The following AKAP13 variants were observed in gnomAD, a reference collection of about 807,000 sequenced individuals.
AKAP13 encodes the protein A-kinase anchoring protein 13, also known as A-kinase anchor protein 13.
In AKAP13, 80 loss-of-function variants were observed where a neutral mutation model predicts 264.5. The observed-to-expected ratio is 0.30, with a 90% confidence interval of 0.25 to 0.36. The LOEUF (loss-of-function observed/expected upper bound fraction) is 0.36. Among genes scored for constraint, AKAP13 ranks in the 10% least tolerant of loss-of-function variants. AKAP13 has a pLI of 1.00. For synonymous variants in AKAP13, 1,380 were observed against 1,250.2 expected, an observed-to-expected ratio of 1.10 and a Z score of -2.19; for missense variants, 3,712 against 3,435.2, an observed-to-expected ratio of 1.08 and a Z score of -2.01.
chr15:85,537,648 C>T (rs562572443), intron 4 of AKAP13, among the ~76,000 whole-genome samples: 17 of 152,294 alleles, frequency 1.1e-4, no homozygotes, highest in African/African-American at 4.1e-4. Flanking sequence ...TTTAACTTTG[C>T]TCTTACAAAG....
intron 17 of AKAP13, among the ~76,000 whole-genome samples, chr15:85,697,763 A>G (rs532111381): frequency 6.2e-4 from 94 of 152,346 alleles, no homozygotes; most frequent in African/African-American, 2.2e-3. Context: ...TTATAAAGGA[A>G]TAAGATGGCT....
intron 1 of AKAP13, among the ~76,000 whole-genome samples, chr15:85,437,002 A>T (rs963426190): frequency 2.7e-5 from 4 of 149,450 alleles, no homozygotes; most frequent in African/African-American, 9.9e-5. Flanking sequence ...AGACACAAAA[A>T]ACCCTTCAAA....
chr15:85,388,897 T>G (rs191632807), intron 1 of AKAP13, among the ~76,000 whole-genome samples: 26 of 152,352 alleles, frequency 1.7e-4, no homozygotes, highest in African/African-American at 5.8e-4. Context: ...CAAGAACCAT[T>G]GCTTTAAAGA....
chr15:85,492,341 C>T (rs2075753834), intron 2 of AKAP13, among the ~76,000 whole-genome samples: 1 of 152,160 alleles, frequency 6.6e-6, no homozygotes, highest in Non-Finnish European at 1.5e-5. Context: ...ATGAACATAC[C>T]ACTGCACTAT....
chr15:85,516,349 A>G (rs2151137139), intron 2 of AKAP13, among the ~76,000 whole-genome samples: 1 of 152,354 alleles, frequency 6.6e-6, no homozygotes, highest in East Asian at 1.9e-4. Flanking sequence ...ACCCCAAGTT[A>G]AACAGATGTA....
intron 1 of AKAP13, among the ~76,000 whole-genome samples, chr15:85,421,984 G>A (rs919023090): frequency 6.6e-6 from 1 of 152,106 alleles, no homozygotes; most frequent in African/African-American, 2.4e-5. Context: ...ACTTAAGTAG[G>A]TGCTTCAGTA....
At chr15:85,639,352 C>CT (rs1855822377) in intron 8 of AKAP13, 22 bp from the exon 9 acceptor site, 1 of 1,556,052 alleles carries the variant, frequency 6.4e-7, no homozygotes, top group Non-Finnish European at 8.8e-7. Context: ...GTCTGAAACT[C>CT]TGTGTTTTCT....
At chr15:85,653,872 G>A (rs1457103563) in intron 10 of AKAP13, among the ~76,000 whole-genome samples, 1 of 152,036 alleles carries the variant, frequency 6.6e-6, no homozygotes, top group East Asian at 1.9e-4. Context: ...TGGCCTTTTG[G>A]GTACCATGAA....
chr15:85,614,684 G>T (rs2080859724), intron 8 of AKAP13, among the ~76,000 whole-genome samples: 1 of 152,104 alleles, frequency 6.6e-6, no homozygotes, highest in Non-Finnish European at 1.5e-5. Flanking sequence ...TTATCAAGTG[G>T]CAAAATTAGA....
chr15:85,445,318 C>T (rs1371771957), intron 1 of AKAP13, among the ~76,000 whole-genome samples: 1 of 152,158 alleles, frequency 6.6e-6, no homozygotes, highest in Non-Finnish European at 1.5e-5. Context: ...ATTTGCATTT[C>T]GAGAGCTCAC....
chr15:85,521,388 C>T, intron 2 of AKAP13, 40 bp from the exon 3 acceptor site: 1 of 1,604,452 alleles, frequency 6.2e-7, no homozygotes, highest in Non-Finnish European at 8.5e-7. Flanking sequence ...CGAAGAGGAA[C>T]CTTACTAATG....
intron 8 of AKAP13, among the ~76,000 whole-genome samples, chr15:85,588,068 G>T (rs904912639): frequency 6.6e-6 from 1 of 152,042 alleles, no homozygotes; most frequent in Non-Finnish European, 1.5e-5. Context: ...TACTCATGCT[G>T]CCCCTTTGAA....
At chr15:85,542,825 T>C (rs745770548) in intron 4 of AKAP13, among the ~76,000 whole-genome samples, 1 of 152,176 alleles carries the variant, frequency 6.6e-6, no homozygotes, top group Non-Finnish European at 1.5e-5. Context: ...GAACTGGGAT[T>C]TAATGAATGT....
chr15:85,385,640 C>G (rs1259732204), intron 1 of AKAP13, among the ~76,000 whole-genome samples: 1 of 152,108 alleles, frequency 6.6e-6, no homozygotes, highest in Non-Finnish European at 1.5e-5. Flanking sequence ...CGGAATGTAG[C>G]CTTTTTATTC....
At chr15:85,446,241 A>G (rs904583253) in intron 1 of AKAP13, among the ~76,000 whole-genome samples, 2 of 152,234 alleles carry the variant, frequency 1.3e-5, no homozygotes, top group African/African-American at 4.8e-5. Flanking sequence ...GAAGATAGTT[A>G]TGCTTAGAGG....
chr15:85,652,055 G>GT (rs1190641940), intron 10 of AKAP13, among the ~76,000 whole-genome samples: 2 of 152,180 alleles, frequency 1.3e-5, no homozygotes, highest in African/African-American at 2.4e-5. Context: ...ATTATTCTGT[G>GT]TGAACTTTAT....
intron 2 of AKAP13, among the ~76,000 whole-genome samples, chr15:85,521,062 C>G (rs1011549996): frequency 5.9e-5 from 9 of 152,238 alleles, no homozygotes; most frequent in Non-Finnish European, 1.3e-4. Flanking sequence ...TATACCCCCT[C>G]CATCCTCTCT....
chr15:85,693,502 A>G, intron 17 of AKAP13, 51 bp downstream of exon 17: 2 of 1,589,562 alleles, frequency 1.3e-6, no homozygotes, highest in Non-Finnish European at 1.7e-6. Context: ...TTGGCTCAAG[A>G]AAGCTCATTT....
At chr15:85,527,748 T>A (rs2077122197) in intron 3 of AKAP13, among the ~76,000 whole-genome samples, 1 of 152,236 alleles carries the variant, frequency 6.6e-6, no homozygotes. Context: ...GCAGTGGGTG[T>A]ATACTTCTGC....
Sources: gnomAD v4.1 joint callset for allele counts (sites outside exome capture counted in the v4.1 genomes callset) on GRCh38, gnomAD v4.1.1 for gene constraint, MANE v1.5 for transcripts, NCBI Gene and HGNC (gene_info 2026-07-23, HGNC 2026-07-21) for gene names.